Variants in CALCRL observed in about 807,000 individuals in gnomAD.
CALCRL encodes the protein calcitonin gene-related peptide type 1 receptor.
CALCRL carries 27 observed loss-of-function variants against 60.4 expected under a neutral mutation model. The ratio of observed to expected loss-of-function variants is 0.45; its 90% confidence interval spans 0.33 to 0.62. The LOEUF is 0.62. CALCRL is among the 20% of genes least tolerant of loss of function. The pLI is 0.03. For missense variants in CALCRL, 424 were observed against 540.7 expected (o/e 0.78, Z 2.14); for synonymous variants, 190 against 182.6 (o/e 1.04, Z -0.33).
chr2:187,363,661 G>C (rs906389545), intron 8 of CALCRL, among the ~76,000 whole-genome samples, 159 bp from the exon 9 acceptor site: 1 of 151,960 alleles, frequency 6.6e-6, no homozygotes, highest in African/African-American at 2.4e-5. Flanking sequence ...CTTAATTAGG[G>C]AAAACCTGTA....
At chr2:187,352,613 C>T (rs938446241) in intron 12 of CALCRL, among the ~76,000 whole-genome samples, 1 of 151,744 alleles carries the variant, frequency 6.6e-6, no homozygotes, top group Non-Finnish European at 1.5e-5. Context: ...CAGTTTTTCT[C>T]AGCTCATTTT....
At chr2:187,349,006 C>T (rs1474969078) in intron 14 of CALCRL, among the ~76,000 whole-genome samples, 14 of 151,498 alleles carry the variant, frequency 9.2e-5, no homozygotes, top group Non-Finnish European at 1.5e-5. Flanking sequence ...CATTAACACC[C>T]AATAAGGAAC....
chr2:187,410,041 T>C (rs1253081461), intron 1 of CALCRL, among the ~76,000 whole-genome samples: 1 of 152,148 alleles, frequency 6.6e-6, no homozygotes, highest in African/African-American at 2.4e-5. Context: ...GTGTTTTCAG[T>C]AGCTGACCAG....
At chr2:187,354,246 A>G (rs1460765594) in intron 12 of CALCRL, among the ~76,000 whole-genome samples, 2 of 152,056 alleles carry the variant, frequency 1.3e-5, no homozygotes, top group African/African-American at 4.8e-5. Flanking sequence ...TTGATATCAC[A>G]GTACCACGCT....
intron 1 of CALCRL, among the ~76,000 whole-genome samples, chr2:187,397,568 G>A (rs1688714732): frequency 1.3e-5 from 2 of 151,524 alleles, no homozygotes; most frequent in African/African-American, 4.8e-5. Flanking sequence ...AAATTTAAGG[G>A]TTATAAGTGC....
intron 1 of CALCRL, among the ~76,000 whole-genome samples, chr2:187,430,615 A>G (rs974550817): frequency 1.3e-5 from 2 of 152,138 alleles, no homozygotes; most frequent in African/African-American, 4.8e-5. Flanking sequence ...CAATGCCCCA[A>G]AAGCCTGTAG....
chr2:187,424,412 GCCACACCCTT>G (rs1412394550), intron 1 of CALCRL, among the ~76,000 whole-genome samples: 5 of 151,218 alleles, frequency 3.3e-5, no homozygotes, highest in Non-Finnish European at 5.9e-5. Context: ...TTTCTTATAA[GCCACACCCTT>G]CCTAGGCATT....
chr2:187,411,167 T>G (rs1483670883), intron 1 of CALCRL, among the ~76,000 whole-genome samples: 1 of 152,064 alleles, frequency 6.6e-6, no homozygotes, highest in Non-Finnish European at 1.5e-5. Context: ...CTGAAAGAAA[T>G]GTACTGAAAG....
At chr2:187,359,931 T>C (rs1686977233) in intron 10 of CALCRL, among the ~76,000 whole-genome samples, 2 of 140,916 alleles carry the variant, frequency 1.4e-5, no homozygotes, top group South Asian at 2.1e-4. Flanking sequence ...GATAGAGATA[T>C]AGATAGATAG....
intron 1 of CALCRL, among the ~76,000 whole-genome samples, chr2:187,411,267 C>A (rs1689344053): frequency 6.6e-6 from 1 of 152,044 alleles, no homozygotes; most frequent in Non-Finnish European, 1.5e-5. Flanking sequence ...TATGTAATAT[C>A]TCTATATAAC....
At chr2:187,347,938 G>T (rs530295779) in intron 14 of CALCRL, among the ~76,000 whole-genome samples, 15 of 151,662 alleles carry the variant, frequency 9.9e-5, no homozygotes, top group Admixed American at 8.6e-4. Flanking sequence ...AAATAACTTC[G>T]TATTGAAAGT....
At chr2:187,389,016 C>G (rs1257191034) in intron 1 of CALCRL, among the ~76,000 whole-genome samples, 3 of 150,968 alleles carry the variant, frequency 2.0e-5, no homozygotes, top group African/African-American at 7.3e-5. Context: ...TAATTTCTTT[C>G]TCATTGTCTG....
intron 1 of CALCRL, among the ~76,000 whole-genome samples, chr2:187,398,790 C>T (rs1478676072): frequency 6.6e-6 from 1 of 151,510 alleles, no homozygotes; most frequent in Non-Finnish European, 1.5e-5. Flanking sequence ...GAATATCAGA[C>T]GATTCTCATG....
intron 1 of CALCRL, among the ~76,000 whole-genome samples, chr2:187,439,817 G>A (rs1042197008): frequency 2.6e-5 from 4 of 152,030 alleles, no homozygotes; most frequent in Non-Finnish European, 4.4e-5. Context: ...CTTTAAATTG[G>A]TGGCAAATGA....
At chr2:187,438,221 AT>A (rs1317442380) in intron 1 of CALCRL, among the ~76,000 whole-genome samples, 3 of 152,192 alleles carry the variant, frequency 2.0e-5, no homozygotes, top group Non-Finnish European at 4.4e-5. Context: ...TTGTGTAAAG[AT>A]CCATAATGAG....
At chr2:187,372,628 G>A (rs1424262369) in intron 8 of CALCRL, among the ~76,000 whole-genome samples, 1 of 152,036 alleles carries the variant, frequency 6.6e-6, no homozygotes, top group Non-Finnish European at 1.5e-5. Flanking sequence ...CTTTTTGTAT[G>A]GTTCTTGGTT....
chr2:187,390,038 T>C (rs1398519459), intron 1 of CALCRL, among the ~76,000 whole-genome samples: 1 of 152,154 alleles, frequency 6.6e-6, no homozygotes, highest in African/African-American at 2.4e-5. Flanking sequence ...TAACTACTAA[T>C]TGTAATTTAT....
intron 10 of CALCRL, 32 bp downstream of exon 10, chr2:187,360,566 C>T: frequency 1.3e-6 from 2 of 1,559,414 alleles, no homozygotes; most frequent in East Asian, 2.3e-5. Flanking sequence ...CTTTAATCCA[C>T]TGAATCAACA....
In CALCRL at chr2:187,352,290, T is replaced by G; in HGVS notation, c.952A>C (p.Thr318Pro). ...FLLNIVRVLITKLKVTHQAES... is the reference protein window; with the variant it reads ...FLLNIVRVLIPKLKVTHQAES... ...GCTTGGTGTGTAACTTTTAACTTGG[T>G]GATGAGAACGCGTACAATATTTAAC... Residue 318 changes from threonine to proline, a missense_variant, in exon 13 of 15, where the codon ACC becomes CCC. Thr to Pro is a conservative substitution (Grantham distance 38, BLOSUM62 -1). Coordinates refer to ENST00000392370, the MANE Select transcript of CALCRL (RefSeq NM_005795.6). The G allele has an allele frequency of 6.2e-7, 1 of 1,611,952 alleles. No homozygotes were observed. Among genetic ancestry groups the G allele is most frequent in the South Asian group, 1.1e-5 (1 of 91,018 alleles).
Sources: gnomAD v4.1 joint callset for allele counts (sites outside exome capture counted in the v4.1 genomes callset) on GRCh38, gnomAD v4.1.1 for gene constraint, MANE v1.5 for transcripts, NCBI Gene and HGNC (gene_info 2026-07-23, HGNC 2026-07-21) for gene names.